PCDHA10: variants seen among roughly 807,000 people sequenced by gnomAD.
PCDHA10 encodes the protein protocadherin alpha 10.
In PCDHA10, 45 loss-of-function variants were observed where a neutral mutation model predicts 61.2. The observed-to-expected ratio is 0.74, with a 90% CI of 0.58 to 0.94. PCDHA10 has a LOEUF of 0.94. Ranked by LOEUF, PCDHA10 falls within the 40% of genes least tolerant of loss-of-function variation. The pLI is 0.00. For synonymous variants in PCDHA10, 602 were observed against 548.8 expected (o/e 1.10, Z -1.35); for missense variants, 1,278 against 1,236.2 (o/e 1.03, Z -0.51).
At chr5:140,967,357 T>C (rs782125763) in intron 1 of PCDHA10, 2 of 1,608,222 alleles carry the variant, frequency 1.2e-6, no homozygotes, top group Non-Finnish European at 1.7e-6. Context: ...AGCTGGACCT[T>C]AAGCCCCTGC....
At chr5:140,901,982 A>G (rs1250710466) in intron 1 of PCDHA10, among the ~76,000 whole-genome samples, 2 of 151,818 alleles carry the variant, frequency 1.3e-5, no homozygotes, top group Non-Finnish European at 1.5e-5. Flanking sequence ...TTACTTTTTA[A>G]TTTCATTTTC....
chr5:140,900,000 A>G (rs1374747791), intron 1 of PCDHA10, among the ~76,000 whole-genome samples: 1 of 151,872 alleles, frequency 6.6e-6, no homozygotes, highest in Non-Finnish European at 1.5e-5. Flanking sequence ...TGTAGAGATG[A>G]GGTCTCACTT....
intron 1 of PCDHA10, among the ~76,000 whole-genome samples, chr5:140,901,030 C>G (rs1382384435): frequency 6.6e-6 from 1 of 152,116 alleles, no homozygotes; most frequent in Admixed American, 6.5e-5. Context: ...CTATTCAACT[C>G]TTTTGCCCAT....
chr5:141,006,376 TAA>T (rs2098270900), intron 3 of PCDHA10, among the ~76,000 whole-genome samples: 1 of 151,996 alleles, frequency 6.6e-6, no homozygotes, highest in South Asian at 2.1e-4. Flanking sequence ...CACGCCCGGC[TAA>T]GTTTTTTCTA....
chr5:140,890,724 CT>C (rs2062771629), intron 1 of PCDHA10, among the ~76,000 whole-genome samples: 2 of 152,108 alleles, frequency 1.3e-5, no homozygotes, highest in African/African-American at 2.4e-5. Context: ...TTTTTAATCC[CT>C]TTTGACTTAT....
intron 1 of PCDHA10, among the ~76,000 whole-genome samples, chr5:140,908,928 A>G (rs1426452860): frequency 6.6e-6 from 1 of 152,224 alleles, no homozygotes; most frequent in Non-Finnish European, 1.5e-5. Flanking sequence ...GGCCAAATGC[A>G]GCAACTTATC....
At chr5:140,940,245 T>A (rs1262681154) in intron 1 of PCDHA10, among the ~76,000 whole-genome samples, 1 of 152,210 alleles carries the variant, frequency 6.6e-6, no homozygotes, top group Non-Finnish European at 1.5e-5. Flanking sequence ...TAAAGTTACC[T>A]CCTCAATATC....
chr5:140,907,109 C>T (rs6883830), intron 1 of PCDHA10, among the ~76,000 whole-genome samples: 5,598 of 152,160 alleles, frequency 0.037, 292 homozygotes, highest in African/African-American at 0.12. Flanking sequence ...CCACTTCCAC[C>T]CCTTGATTCC....
chr5:140,871,534 T>G, intron 1 of PCDHA10: 1 of 1,514,416 alleles, frequency 6.6e-7, no homozygotes, highest in Non-Finnish European at 8.9e-7. Context: ...GAAGTGTATG[T>G]GAAATTATTT....
At chr5:140,927,616 G>C in intron 1 of PCDHA10, 1 of 1,614,164 alleles carries the variant, frequency 6.2e-7, no homozygotes, top group Non-Finnish European at 8.5e-7. Flanking sequence ...CCGCACCAAG[G>C]TTCCAGAGAC....
chr5:140,863,019 T>A (rs781817571), intron 1 of PCDHA10: 6 of 554,136 alleles, frequency 1.1e-5, no homozygotes, highest in Admixed American at 5.7e-5. Context: ...GACGCCTGGT[T>A]GTCGCAACAG....
intron 1 of PCDHA10, chr5:140,866,915 A>C (rs1413291718): frequency 6.6e-6 from 1 of 152,138 alleles, no homozygotes. Context: ...CTCAAAGATG[A>C]GTTCAAAGGG....
At chr5:140,870,778 G>GACA (rs2052395482) in intron 1 of PCDHA10, 1 of 1,613,502 alleles carries the variant, frequency 6.2e-7, no homozygotes, top group Non-Finnish European at 8.5e-7. Flanking sequence ...GGACGAGAAC[G>GACA]ACAACGCGCC....
chr5:140,994,209 A>G (rs2097604620), intron 3 of PCDHA10, among the ~76,000 whole-genome samples: 1 of 152,142 alleles, frequency 6.6e-6, no homozygotes, highest in Non-Finnish European at 1.5e-5. Flanking sequence ...CCAGAATGGG[A>G]CCCAGGGTCT....
chr5:140,885,861 A>G (rs1329895164), intron 1 of PCDHA10, among the ~76,000 whole-genome samples: 1 of 152,104 alleles, frequency 6.6e-6, no homozygotes, highest in African/African-American at 2.4e-5. Context: ...CTACTTTTCT[A>G]TTGAAAAAAA....
intron 1 of PCDHA10, chr5:140,871,216 G>A (rs782807102): frequency 5.6e-6 from 9 of 1,613,738 alleles, no homozygotes; most frequent in East Asian, 4.5e-5. Context: ...CGCCATCTGC[G>A]TGGTGTCCAG....
chr5:140,969,214 A>G (rs906572071), intron 1 of PCDHA10: 5 of 1,614,194 alleles, frequency 3.1e-6, no homozygotes, highest in Non-Finnish European at 4.2e-6. Context: ...CCCAGACAGG[A>G]CCAGGGCCTT....
At chr5:140,978,800 TATC>T (rs1193658453) in intron 1 of PCDHA10, 146 bp from the exon 2 acceptor site, 56 of 1,480,550 alleles carry the variant, frequency 3.8e-5, no homozygotes, top group Admixed American at 1.1e-4. Context: ...TATATGTAGA[TATC>T]ATCATAGAGT....
chr5:140,967,837 C>T (rs2096189054), intron 1 of PCDHA10: 4 of 1,613,994 alleles, frequency 2.5e-6, no homozygotes, highest in African/African-American at 2.7e-5. Context: ...ACATCGTGGA[C>T]GTGAATGACA....
Sources: gnomAD v4.1 joint callset for allele counts (sites outside exome capture counted in the v4.1 genomes callset) on GRCh38, gnomAD v4.1.1 for gene constraint, MANE v1.5 for transcripts, NCBI Gene and HGNC (gene_info 2026-07-23, HGNC 2026-07-21) for gene names.